Variants in SNX29 observed in about 807,000 individuals in gnomAD.
The protein encoded by SNX29 is sorting nexin 29.
In SNX29, 78 loss-of-function variants were observed where a neutral mutation model predicts 102.1. That is an observed-to-expected ratio of 0.76 (90% confidence interval 0.64 to 0.92). The LOEUF (loss-of-function observed/expected upper bound fraction) is 0.92, where lower values mean the gene tolerates loss of function less well. Ranked by LOEUF, SNX29 falls within the 40% of genes least tolerant of loss-of-function variation. The pLI is 0.00. For synonymous variants in SNX29, 580 were observed against 414.5 expected (o/e 1.40, Z -4.85); for missense variants, 1,280 against 1,061.7 (o/e 1.21, Z -2.86).
At chr16:12,315,860 A>G (rs1442522926) in intron 15 of SNX29, among the ~76,000 whole-genome samples, 1 of 152,196 alleles carries the variant, frequency 6.6e-6, no homozygotes, top group Non-Finnish European at 1.5e-5. Context: ...TAGGACTGTC[A>G]ATATTGTTAT....
At chr16:12,319,475 C>A (rs776890052) in intron 15 of SNX29, among the ~76,000 whole-genome samples, 1 of 152,146 alleles carries the variant, frequency 6.6e-6, no homozygotes, top group Non-Finnish European at 1.5e-5. Flanking sequence ...CAGAGCGAGA[C>A]CCTGTCTTAA....
intron 14 of SNX29, among the ~76,000 whole-genome samples, chr16:12,257,501 A>C (rs1596653015): frequency 6.7e-6 from 1 of 149,876 alleles, no homozygotes; most frequent in Admixed American, 6.6e-5. Context: ...TACCACTAGC[A>C]TCTCTCTCTC....
chr16:12,531,357 C>G (rs1472378897), intron 20 of SNX29, among the ~76,000 whole-genome samples: 1 of 152,164 alleles, frequency 6.6e-6, no homozygotes, highest in East Asian at 1.9e-4. Flanking sequence ...AAGAGCACGC[C>G]AGGACTGGGT....
chr16:12,557,385 G>C (rs1187595349), intron 20 of SNX29: 1 of 152,290 alleles, frequency 6.6e-6, no homozygotes, highest in East Asian at 1.9e-4. Flanking sequence ...CTTGCGAATA[G>C]AAACAAGCCA....
At chr16:12,173,319 G>A (rs1393772165) in intron 13 of SNX29, among the ~76,000 whole-genome samples, 1 of 152,194 alleles carries the variant, frequency 6.6e-6, no homozygotes, top group Non-Finnish European at 1.5e-5. Flanking sequence ...TTCCCTACTG[G>A]CCACTTGACT....
intron 11 of SNX29, among the ~76,000 whole-genome samples, chr16:12,083,015 T>C (rs775043028): frequency 2.6e-5 from 4 of 151,928 alleles, no homozygotes; most frequent in Admixed American, 6.6e-5. Context: ...CAAAAACTTA[T>C]TTTCTCGGCC....
intron 20 of SNX29, among the ~76,000 whole-genome samples, chr16:12,562,770 G>C (rs112786719): frequency 1.8e-4 from 28 of 152,222 alleles, no homozygotes; most frequent in African/African-American, 5.8e-4. Context: ...CAAAGGCTTG[G>C]AGTCCTTTAG....
chr16:12,413,890 G>A (rs56411656), intron 18 of SNX29, among the ~76,000 whole-genome samples: 84,778 of 151,588 alleles, frequency 0.56, 24,201 homozygotes, highest in Non-Finnish European at 0.62. Context: ...TCCCTTGCTT[G>A]TCTGGGGGGG....
chr16:12,152,927 G>A (rs1365312080), intron 13 of SNX29, among the ~76,000 whole-genome samples: 11 of 152,194 alleles, frequency 7.2e-5, no homozygotes, highest in Admixed American at 7.2e-4. Context: ...CCCGCACACA[G>A]TGGCAGGGCT....
intron 19 of SNX29, among the ~76,000 whole-genome samples, chr16:12,522,342 C>T (rs12924666): frequency 0.32 from 48,026 of 152,046 alleles, 9,144 homozygotes; most frequent in East Asian, 0.6. Context: ...AGGTGCCTCT[C>T]AAGAAAGACT....
intron 18 of SNX29, among the ~76,000 whole-genome samples, chr16:12,427,634 GGAGGTTAATAAAACGGCCA>G (rs1290953638): frequency 6.6e-6 from 1 of 152,198 alleles, no homozygotes; most frequent in Non-Finnish European, 1.5e-5. Flanking sequence ...GGCCATGCTT[GGAGGTTAATAAAACGGCCA>G]GAGACAATGC....
At chr16:12,371,273 C>T (rs60663572) in intron 16 of SNX29, among the ~76,000 whole-genome samples, 7,063 of 152,094 alleles carry the variant, frequency 0.046, 333 homozygotes, top group African/African-American at 0.11. Context: ...CTCCTCCCTC[C>T]CTCCCTTCCT....
chr16:12,200,439 G>C (rs2076884590), intron 14 of SNX29, among the ~76,000 whole-genome samples: 1 of 151,614 alleles, frequency 6.6e-6, no homozygotes, highest in Admixed American at 6.6e-5. Context: ...CAAGCTCATA[G>C]AGTGTGGACA....
At chr16:12,561,109 G>T (rs564444427) in intron 20 of SNX29, 28 of 226,862 alleles carry the variant, frequency 1.2e-4, no homozygotes, top group African/African-American at 6.0e-4. Flanking sequence ...TAGATTTCAC[G>T]GGGCACCCAT....
At chr16:12,565,471 C>G (rs1023385171) in intron 20 of SNX29, among the ~76,000 whole-genome samples, 6 of 152,202 alleles carry the variant, frequency 3.9e-5, no homozygotes, top group Non-Finnish European at 8.8e-5. Flanking sequence ...TTCTCTCAAA[C>G]CATCACAGCA....
chr16:12,549,879 A>C (rs1472246959), intron 20 of SNX29, among the ~76,000 whole-genome samples: 1 of 152,266 alleles, frequency 6.6e-6, no homozygotes, highest in Non-Finnish European at 1.5e-5. Flanking sequence ...GATGGTTCAG[A>C]CTAGAACAGA....
Position 12,572,106 on chromosome 16 carries a change from C to T in SNX29, c.*3477C>T, listed in dbSNP as rs1000680069. 4.5e-5 allele frequency: 47 copies of T among 1,053,500 alleles called. No homozygotes were observed. Among genetic ancestry groups the T allele is most frequent in the Non-Finnish European group, 4.7e-5 (41 of 869,094 alleles). The allele number at this position is 1,053,500 out of a possible 1,614,324, so 65.3% of individuals were successfully genotyped here. A position where few individuals can be genotyped will look rare whatever the true frequency, so the allele number is the denominator to read the frequency against. On this transcript the variant is annotated 3_prime_UTR_variant, in exon 21 of 21. Coordinates refer to ENST00000566228, the MANE Select transcript of SNX29 (RefSeq NM_032167.5). The stretch of plus-strand genomic sequence containing the variant: ...GGAAGGGGAGGGATGTGGACTGGGT[C>T]TGATCACAGCCCTTGGCCCTGCTTC...
Position 11,980,841 on chromosome 16 carries a change from C to T in SNX29, c.7+4028C>T, listed in dbSNP as rs557079648. Among the ~76,000 whole-genome samples, 4 of 152,206 alleles carry T rather than the reference C, an allele frequency of 2.6e-5. No homozygotes were observed. In the South Asian group the frequency reaches 6.2e-4, roughly 24 times the overall value. On this transcript the variant is annotated intron_variant, in intron 1 of 20. Coordinates refer to ENST00000566228, the MANE Select transcript of SNX29 (RefSeq NM_032167.5). ...CAGATCCTTTGGCCATTTTAACATT[C>T]GGTGGTCTTTTTATTGCTGATCTAT... is the stretch of plus-strand genomic sequence containing the variant.
At chr16:12,154,802 C>T (rs1269601725) in intron 13 of SNX29, among the ~76,000 whole-genome samples, 1 of 152,172 alleles carries the variant, frequency 6.6e-6, no homozygotes, top group Non-Finnish European at 1.5e-5. Flanking sequence ...TGTGTCCTTA[C>T]ATGGTGGAAG....
Sources: allele counts gnomAD v4.1 joint callset (sites outside exome capture counted in the v4.1 genomes callset), GRCh38; gene constraint gnomAD v4.1.1; transcripts MANE v1.5; gene names NCBI Gene and HGNC (gene_info 2026-07-23, HGNC 2026-07-21).